Variants in FAM53A observed in about 807,000 individuals in gnomAD.
FAM53A encodes the protein family with sequence similarity 53 member A.
In FAM53A, 28 loss-of-function variants were observed where a neutral mutation model predicts 26.6. The ratio of observed to expected loss-of-function variants is 1.05; its 90% CI spans 0.78 to 1.45. FAM53A has a LOEUF of 1.45. FAM53A is among the 40% of genes most tolerant of loss of function. FAM53A has a pLI of 0.00. For synonymous variants in FAM53A, 290 were observed against 253.1 expected, an observed-to-expected ratio of 1.15 and a Z score of -1.38; for missense variants, 650 against 575.8, an observed-to-expected ratio of 1.13 and a Z score of -1.32.
chr4:1,601,161 C>A, the FAM53A span, among the ~76,000 whole-genome samples: 1 of 152,152 alleles, frequency 6.6e-6, no homozygotes, highest in African/African-American at 2.4e-5. Flanking sequence ...TGAGTCAGGC[C>A]CCCACCTCAT....
chr4:1,575,978 C>A, the FAM53A span, among the ~76,000 whole-genome samples: 5 of 152,214 alleles, frequency 3.3e-5, no homozygotes, highest in Admixed American at 3.3e-4. Context: ...CCACACCCCC[C>A]ACCTGCCCGG....
intron 4 of FAM53A, among the ~76,000 whole-genome samples, chr4:1,647,623 T>G (rs4865429): frequency 6.6e-6 from 1 of 152,214 alleles, no homozygotes; most frequent in East Asian, 1.9e-4. Flanking sequence ...GACGCCGGAC[T>G]AGAGCTGGGC....
intron 4 of FAM53A, among the ~76,000 whole-genome samples, chr4:1,649,123 A>AAAG (rs1712503785): frequency 9.0e-6 from 1 of 111,694 alleles, no homozygotes; most frequent in African/African-American, 3.6e-5. Context: ...GAAAGGGAAG[A>AAAG]GGAAGGGGAA....
At chr4:1,602,788 G>T in the FAM53A span, among the ~76,000 whole-genome samples, 3 of 152,284 alleles carry the variant, frequency 2.0e-5, no homozygotes, top group East Asian at 3.9e-4. Flanking sequence ...CCCACCCACC[G>T]TGGGAAGGAG....
chr4:1,631,969 C>T, intron 1 of FAM53A, among the ~76,000 whole-genome samples: 1 of 152,020 alleles, frequency 6.6e-6, no homozygotes, highest in East Asian at 1.9e-4. Context: ...CTGAGACCAG[C>T]CTGGCCAACA....
chr4:1,674,448 T>C (rs946540839), intron 1 of FAM53A, among the ~76,000 whole-genome samples: 3 of 152,050 alleles, frequency 2.0e-5, no homozygotes, highest in African/African-American at 7.2e-5. Flanking sequence ...GGCAGGCAAA[T>C]CACAAGGTCA....
At chr4:1,578,219 C>T in the FAM53A span, among the ~76,000 whole-genome samples, 1 of 152,200 alleles carries the variant, frequency 6.6e-6, no homozygotes, top group Non-Finnish European at 1.5e-5. Flanking sequence ...CTATTGAAAT[C>T]GCTATTCCCT....
intron 1 of FAM53A, among the ~76,000 whole-genome samples, chr4:1,624,401 G>T (rs1194813193): frequency 6.6e-6 from 1 of 152,212 alleles, no homozygotes; most frequent in Non-Finnish European, 1.5e-5. Flanking sequence ...GCTTCAAGAG[G>T]CAGAAAGCGC....
At chr4:1,643,130 G>A (rs1423562864) in intron 4 of FAM53A, among the ~76,000 whole-genome samples, 4 of 152,276 alleles carry the variant, frequency 2.6e-5, no homozygotes, top group African/African-American at 9.6e-5. Flanking sequence ...CATGGCCCTC[G>A]GGGACAGAGC....
At chr4:1,668,634 G>A (rs1714412033) in intron 2 of FAM53A, 33 bp downstream of exon 2, 1 of 1,612,364 alleles carries the variant, frequency 6.2e-7, no homozygotes, top group African/African-American at 1.3e-5. Context: ...CGGGGGAGGG[G>A]CACCCAGCCT....
the FAM53A span, among the ~76,000 whole-genome samples, chr4:1,604,292 G>A: frequency 1.6e-4 from 24 of 152,246 alleles, no homozygotes; most frequent in African/African-American, 4.1e-4. Flanking sequence ...TGCAGCGGCC[G>A]GAGTAGAAAG....
intron 1 of FAM53A, among the ~76,000 whole-genome samples, chr4:1,627,316 G>A (rs1422991814): frequency 1.3e-5 from 2 of 152,244 alleles, no homozygotes; most frequent in African/African-American, 2.4e-5. Context: ...GTGGCCGCTT[G>A]GTTGGTGTTT....
chr4:1,622,758 T>G (rs1685168506), intron 1 of FAM53A, among the ~76,000 whole-genome samples: 1 of 152,100 alleles, frequency 6.6e-6, no homozygotes, highest in African/African-American at 2.4e-5. Context: ...CATCTCTGCC[T>G]CCCTCAGACT....
the FAM53A span, among the ~76,000 whole-genome samples, chr4:1,600,979 G>A: frequency 2.0e-5 from 3 of 152,190 alleles, no homozygotes; most frequent in African/African-American, 7.2e-5. Context: ...CCTGGAGGGA[G>A]GGGCCGAGAA....
At chr4:1,648,916 C>A (rs1284961601) in intron 4 of FAM53A, among the ~76,000 whole-genome samples, 1 of 152,170 alleles carries the variant, frequency 6.6e-6, no homozygotes, top group Non-Finnish European at 1.5e-5. Context: ...AGTTCAAGAC[C>A]AGCCTGGCCA....
At chr4:1,595,101 G>A in the FAM53A span, among the ~76,000 whole-genome samples, 6 of 152,194 alleles carry the variant, frequency 3.9e-5, no homozygotes, top group African/African-American at 7.2e-5. Flanking sequence ...TGCCAGGGAC[G>A]GGGAGGCACA....
At chr4:1,618,808 G>T (rs766307218) in intron 1 of FAM53A, among the ~76,000 whole-genome samples, 2 of 152,114 alleles carry the variant, frequency 1.3e-5, no homozygotes, top group African/African-American at 4.8e-5. Context: ...GAATGCCACC[G>T]CACAGATAAG....
chr4:1,669,826 C>T (rs541980632), intron 1 of FAM53A, among the ~76,000 whole-genome samples: 1 of 152,316 alleles, frequency 6.6e-6, no homozygotes, highest in South Asian at 2.1e-4. Context: ...AAGGAACTTC[C>T]AGAGAAAAAG....
the FAM53A span, among the ~76,000 whole-genome samples, chr4:1,582,502 A>T: frequency 1.3e-5 from 2 of 152,216 alleles, no homozygotes; most frequent in Non-Finnish European, 2.9e-5. Context: ...GGCTGGGAAG[A>T]CCAGGAGGAG....
Sources: allele counts gnomAD v4.1 joint callset (sites outside exome capture counted in the v4.1 genomes callset), GRCh38; gene constraint gnomAD v4.1.1; transcripts MANE v1.5; gene names NCBI Gene and HGNC (gene_info 2026-07-23, HGNC 2026-07-21).